DPP9: variants seen among roughly 807,000 people sequenced by gnomAD.
DPP9 encodes the protein dipeptidyl peptidase 9, also known as dipeptidyl peptidase IV-related protein-2.
In DPP9, 50 loss-of-function variants were observed where a neutral mutation model predicts 110.7. That is an observed-to-expected ratio of 0.45 (90% CI 0.36 to 0.57). The LOEUF is 0.57. DPP9 is among the 20% of genes least tolerant of loss of function. DPP9 has a pLI of 0.00. For synonymous variants in DPP9, 561 were observed against 514.4 expected, an observed-to-expected ratio of 1.09 and a Z score of -1.23; for missense variants, 1,022 against 1,217.9, an observed-to-expected ratio of 0.84 and a Z score of 2.39.
intron 21 of DPP9, 187 bp downstream of exon 21, chr19:4,679,648 A>G (rs2089510302): frequency 1.7e-6 from 1 of 596,630 alleles, no homozygotes; most frequent in Non-Finnish European, 3.0e-6. Context: ...TCAAGACAGG[A>G]CTGATACATC....
chr19:4,722,959 G>A (rs2093386001), intron 1 of DPP9, among the ~76,000 whole-genome samples: 1 of 152,192 alleles, frequency 6.6e-6, no homozygotes, highest in Non-Finnish European at 1.5e-5. Context: ...GAAGTGTCAG[G>A]GCTGGCCTAA....
In DPP9 at chr19:4,689,495, G is replaced by C. The variant is rs1215418037; in HGVS notation, c.1749+75C>G. 6.7e-7 allele frequency: 1 copy of C among 1,500,932 alleles called. No individual in the cohort carries two copies. The highest frequency in any genetic ancestry group is 1.4e-5 in the African/African-American group (1 of 71,542). 93.0% of individuals were successfully genotyped at this position (1,500,932 alleles called of 1,614,324 possible). The stretch of plus-strand genomic sequence containing the variant: ...TGAGAATGACCCTGAGTGCTGTGCC[G>C]GGCCATGAGGGACTGCTCTGGCTGG... On this transcript the variant is annotated intron_variant, in intron 15 of 21. Coordinates refer to ENST00000262960, the MANE Select transcript of DPP9 (RefSeq NM_139159.5). This position sits in a 1 kb window ranked among gnomAD's most constrained non-coding sequence, Gnocchi z 7.0.
Position 4,684,190 on chromosome 19 carries a change from G to A in DPP9, c.2178+473C>T, listed in dbSNP as rs1463525296. 1.5e-5 allele frequency: 4 copies of A among 269,692 alleles called. No homozygotes were observed. Among genetic ancestry groups the A allele is most frequent in the South Asian group, 7.9e-5 (2 of 25,166 alleles). The allele number at this position is 269,692 out of a possible 1,614,324, so 16.7% of individuals were successfully genotyped here. ...GATGGAGGGAGGCCACGGCTTTTCC[G>A]CTCCTTGCAACCCCTCTGCCGTGTA... On this transcript the variant is annotated intron_variant, in intron 18 of 21. Coordinates refer to ENST00000262960, the MANE Select transcript of DPP9 (RefSeq NM_139159.5). The surrounding 1 kb of genome is among the most constrained non-coding windows in gnomAD (Gnocchi z 4.8).
chr19:4,714,634 C>T (rs1372061943), intron 3 of DPP9, among the ~76,000 whole-genome samples: 1 of 152,122 alleles, frequency 6.6e-6, no homozygotes, highest in East Asian at 1.9e-4. Flanking sequence ...ACAAGCAATC[C>T]TCCTGCGTCA....
In DPP9 at chr19:4,685,368, C is replaced by T. The variant is rs528157592; in HGVS notation, c.2031+258G>A. On this transcript the variant is annotated intron_variant, in intron 17 of 21. Coordinates refer to ENST00000262960, the MANE Select transcript of DPP9 (RefSeq NM_139159.5). The surrounding 1 kb of genome is among the most constrained non-coding windows in gnomAD (Gnocchi z 5.8). The stretch of plus-strand genomic sequence containing the variant: ...GAGACTAGGGGACTTCCTAGAGGAA[C>T]AAGGGAGAGTCAGCAGGCGGAGGGG... 7 of 639,358 alleles carry T rather than the reference C, an allele frequency of 1.1e-5. No homozygotes were observed. The highest frequency in any genetic ancestry group is 9.1e-5 in the South Asian group (6 of 66,150). The allele number at this position is 639,358 out of a possible 1,614,324, so 39.6% of individuals were successfully genotyped here. A position where few individuals can be genotyped will look rare whatever the true frequency, so the allele number is the denominator to read the frequency against.
Position 4,697,667 on chromosome 19 carries a change from C to T in DPP9, c.1075-16G>A, listed in dbSNP as rs1362777406. 1.2e-6 allele frequency: 2 copies of T among 1,611,748 alleles called. No homozygotes were observed. On this transcript the variant is annotated splice_polypyrimidine_tract_variant and intron_variant, in intron 10 of 21. Transcript: ENST00000262960. ...TCGAGACGATCTGAAGGGAAACAAA[C>T]AGGTGTGGGTCATGCCCTGGCCTGC...
At chr19:4,702,519 G>T in intron 8 of DPP9, 84 bp downstream of exon 8, 1 of 1,052,056 alleles carries the variant, frequency 9.5e-7, no homozygotes, top group Non-Finnish European at 1.4e-6. Flanking sequence ...GAGGTGAAAG[G>T]AGTAAGGCGC....
rs1053574648 is a variant in DPP9, at chr19:4,687,154, G to A, written c.1886-1383C>T. 2.0e-5 allele frequency among the ~76,000 whole-genome samples: 3 copies of A among 152,128 alleles called. No homozygotes were observed. Among genetic ancestry groups the A allele is most frequent in the Non-Finnish European group, 4.4e-5 (3 of 68,024 alleles). On this transcript the variant is annotated intron_variant, in intron 16 of 21. Transcript: ENST00000262960. This position sits in a 1 kb window ranked among gnomAD's most constrained non-coding sequence, Gnocchi z 4.7. The stretch of plus-strand genomic sequence containing the variant: ...CTCCAGCTCCTGGCGGTGTCGGTGC[G>A]GACAGGAGAGTGAGGACTGGGCTCT...
Position 4,702,142 on chromosome 19 carries a change from G to T in DPP9, c.897C>A (p.Leu299=). 1 of 1,612,846 alleles carries T rather than the reference G, an allele frequency of 6.2e-7. No individual in the cohort carries two copies. Among genetic ancestry groups the T allele is most frequent in the Non-Finnish European group, 8.5e-7 (1 of 1,179,216 alleles). ...CCTCATACAGGATTCGCAGCGTCTT[G>T]AGGCCCTCTGAACCTTGGGTGGGGT... is the stretch of plus-strand genomic sequence containing the variant. ...PTASWEGSEG[L]KTLRILYEEV... The change falls in exon 9 of 22, where the codon CTC becomes CTA. Residue 299 remains leucine, a synonymous_variant. Transcript: ENST00000262960.
rs1382580092 is a variant in DPP9 at position 4,685,461 on chromosome 19, C to T, written c.2031+165G>A. 2.5e-6 allele frequency: 2 copies of T among 804,136 alleles called. No individual in the cohort carries two copies. Among genetic ancestry groups the T allele is most frequent in the African/African-American group, 3.4e-5 (2 of 58,954 alleles). 49.8% of individuals were successfully genotyped at this position (804,136 alleles called of 1,614,324 possible). A position where few individuals can be genotyped will look rare whatever the true frequency, so the allele number is the denominator to read the frequency against. On this transcript the variant is annotated intron_variant, in intron 17 of 21. Transcript: ENST00000262960. This position sits in a 1 kb window ranked among gnomAD's most constrained non-coding sequence, Gnocchi z 5.8. ...GCACAGAGAAAGGAGGGTGAGGGGC[C>T]CCGAGGACCCTGTGTAGTCAGGGCA...
At chr19:4,717,174 C>G (rs1420485300) in intron 3 of DPP9, among the ~76,000 whole-genome samples, 1 of 152,182 alleles carries the variant, frequency 6.6e-6, no homozygotes, top group Non-Finnish European at 1.5e-5. Context: ...CCAGAAGGGG[C>G]GCAGTTTGTT....
In DPP9 at chr19:4,704,233, G is replaced by A. The variant is rs200185215; in HGVS notation, c.498C>T (p.Phe166=). The part of the protein sequence containing the change: ...LLRERKRLGV[F]GITSYDFHSE... The stretch of plus-strand genomic sequence containing the variant: ...TGTGGAAGTCGTAGGAGGTGATGCC[G>A]AAGACCCCCAGGCGTTTCCGCTCCC... Residue 166 remains phenylalanine (F), a synonymous_variant, in exon 6 of 22, where the codon TTC becomes TTT. Transcript: ENST00000262960. This position sits in a 1 kb window ranked among gnomAD's most constrained non-coding sequence, Gnocchi z 6.0. 91 of 1,613,960 alleles carry A rather than the reference G, an allele frequency of 5.6e-5. No homozygotes were observed. The East Asian group carries it at 8.7e-4, about 15-fold the overall frequency.
chr19:4,702,234 C>A, intron 8 of DPP9, 79 bp from the exon 9 acceptor site: 1 of 1,503,382 alleles, frequency 6.7e-7, no homozygotes, highest in Non-Finnish European at 8.9e-7. Context: ...CCCCCTGCAG[C>A]ACCGGGGCCT....
At position 4,710,424 on chromosome 19, in the gene DPP9, G is replaced by A. The variant is rs559332824; in HGVS notation, c.313+3657C>T. Among the ~76,000 whole-genome samples, 65 of 152,336 alleles carry A rather than the reference G, an allele frequency of 4.3e-4. No individual in the cohort carries two copies. Among genetic ancestry groups the A allele is most frequent in the South Asian group, 1.9e-3 (9 of 4,828 alleles). ...TCCGCGTGGGGCGGGAGCGGGGTCG[G>A]GAGCGTTTCCCAATGCTGCAGTCTG... On this transcript the variant is annotated intron_variant, in intron 4 of 21. Coordinates refer to ENST00000262960, the MANE Select transcript of DPP9 (RefSeq NM_139159.5). This position sits in a 1 kb window ranked among gnomAD's most constrained non-coding sequence, Gnocchi z 5.6.
Position 4,694,702 on chromosome 19 carries a change from G to A in DPP9, c.1475C>T (p.Ser492Phe), listed in dbSNP as rs754364162. Residue 492 changes from serine (S) to phenylalanine (F), a missense_variant, in exon 13 of 22, where the codon TCC becomes TTC. Transcript: ENST00000262960. This position sits in a 1 kb window ranked among gnomAD's most constrained non-coding sequence, Gnocchi z 4.0. Reference protein sequence around the residue: ...HLYKVTAVLKSQGYDWSEPFS... With the variant: ...HLYKVTAVLKFQGYDWSEPFS... ...GGGCTCACTCCAATCGTAGCCCTGG[G>A]ATTTTAAAACGGCGGTGACTTTGTA... The A allele has an allele frequency of 9.3e-6, 15 of 1,613,150 alleles. No homozygotes were observed. In the African/African-American group the frequency reaches 1.5e-4, roughly 16 times the overall value.
In DPP9 at chr19:4,704,649, G is replaced by A. The variant is rs1029553031; in HGVS notation, c.427-345C>T. 7.9e-5 allele frequency among the ~76,000 whole-genome samples: 12 copies of A among 152,154 alleles called. No individual in the cohort carries two copies. In the East Asian group the frequency reaches 1.5e-3, roughly 20 times the overall value. ...GGGGCTGTCCCTGCCCCACACCACC[G>A]GAGTACTCTCTCCGGGTCCCTAGTG... On this transcript the variant is annotated intron_variant, in intron 5 of 21. Transcript: ENST00000262960. The surrounding 1 kb of genome is among the most constrained non-coding windows in gnomAD (Gnocchi z 6.0).
In DPP9 at chr19:4,687,707, T is replaced by A. The variant is rs1424047386; in HGVS notation, c.1885+1050A>T. ...CAGGACTGCAGGGTCCTGGAGAAGGTGAGTGGAAAGCCTGATAACCACGGC... is the reference window on the plus strand; with the variant it reads ...CAGGACTGCAGGGTCCTGGAGAAGGAGAGTGGAAAGCCTGATAACCACGGC... On this transcript the variant is annotated intron_variant, in intron 16 of 21. Coordinates refer to ENST00000262960, the MANE Select transcript of DPP9 (RefSeq NM_139159.5). The surrounding 1 kb of genome is among the most constrained non-coding windows in gnomAD (Gnocchi z 4.7). Among the ~76,000 whole-genome samples the A allele has an allele frequency of 6.6e-6, 1 of 152,002 alleles. No homozygotes were observed. Among genetic ancestry groups the A allele is most frequent in the Non-Finnish European group, 1.5e-5 (1 of 68,002 alleles).
At chr19:4,697,021 C>G (rs1377361033) in intron 11 of DPP9, among the ~76,000 whole-genome samples, 2 of 151,884 alleles carry the variant, frequency 1.3e-5, no homozygotes, top group African/African-American at 2.4e-5. Flanking sequence ...ATTGCTTGAG[C>G]CTGGGAATTC....
At position 4,705,870 on chromosome 19, in the gene DPP9, C is replaced by T; in HGVS notation, c.414G>A (p.Leu138=). 1 of 1,613,932 alleles carries T rather than the reference C, an allele frequency of 6.2e-7. No individual in the cohort carries two copies. Among genetic ancestry groups the T allele is most frequent in the Non-Finnish European group, 8.5e-7 (1 of 1,179,800 alleles). Residue 138 remains leucine, a synonymous_variant, in exon 5 of 22, where the codon CTG becomes CTA. Coordinates refer to ENST00000262960, the MANE Select transcript of DPP9 (RefSeq NM_139159.5). ...TAGCACAGCTTACCTGGAAATGATC[C>T]AGCATCTGCTTCCAGGACAGGAGCA... ...ALLLLSWKQM[L]DHFQATPHHG... is the part of the protein sequence containing the mutation.
Sources: allele counts gnomAD v4.1 joint callset (sites outside exome capture counted in the v4.1 genomes callset), GRCh38; gene constraint gnomAD v4.1.1; non-coding constraint Gnocchi (gnomAD v3.1); transcripts MANE v1.5; gene names NCBI Gene and HGNC (gene_info 2026-07-23, HGNC 2026-07-21).